Variants in SLC25A21 observed in about 807,000 individuals in gnomAD.
SLC25A21 encodes the protein solute carrier family 25 member 21.
A neutral mutation model predicts 43.8 loss-of-function variants in SLC25A21; 47 were observed. That is an observed-to-expected ratio of 1.07 (90% CI 0.85 to 1.37). The LOEUF (loss-of-function observed/expected upper bound fraction) is 1.37, where lower values mean the gene tolerates loss of function less well. Among genes scored for constraint, SLC25A21 ranks in the 40% most tolerant of loss-of-function variants. The pLI is 0.00. For synonymous variants in SLC25A21, 131 were observed against 121.3 expected (o/e 1.08, Z -0.52); for missense variants, 352 against 350.2 (o/e 1.00, Z -0.04).
chr14:37,028,827 T>C (rs1961146967), intron 1 of SLC25A21, among the ~76,000 whole-genome samples: 2 of 152,174 alleles, frequency 1.3e-5, no homozygotes, highest in Admixed American at 1.3e-4. Flanking sequence ...TGAAGAAAAT[T>C]ACTTAAGTGG....
chr14:36,977,360 C>G (rs989311554), intron 1 of SLC25A21, among the ~76,000 whole-genome samples: 2 of 152,012 alleles, frequency 1.3e-5, no homozygotes, highest in Non-Finnish European at 2.9e-5. Flanking sequence ...TTAGAAGGCC[C>G]CCCTGTACAT....
chr14:36,827,236 T>C (rs1001389748), intron 2 of SLC25A21, among the ~76,000 whole-genome samples: 1 of 152,226 alleles, frequency 6.6e-6, no homozygotes, highest in Non-Finnish European at 1.5e-5. Flanking sequence ...AAAATGTCTG[T>C]TGAAAAACCT....
At chr14:36,984,625 T>C (rs2138704397) in intron 1 of SLC25A21, among the ~76,000 whole-genome samples, 1 of 152,256 alleles carries the variant, frequency 6.6e-6, no homozygotes, top group Middle Eastern at 3.4e-3. Flanking sequence ...GTTTTGCTTT[T>C]TTGTTTCTTC....
intron 3 of SLC25A21, among the ~76,000 whole-genome samples, chr14:36,803,182 C>T (rs1887927072): frequency 2.0e-5 from 3 of 152,152 alleles, no homozygotes; most frequent in African/African-American, 7.2e-5. Flanking sequence ...CTGTGGCAGG[C>T]TCTGGGAGAA....
chr14:37,049,124 C>G (rs1218054584), intron 1 of SLC25A21, among the ~76,000 whole-genome samples: 1 of 152,166 alleles, frequency 6.6e-6, no homozygotes, highest in African/African-American at 2.4e-5. Context: ...GAGTTAAGAA[C>G]TACTCACATA....
At chr14:36,875,081 C>A in intron 1 of SLC25A21, 77 bp from the exon 2 acceptor site, 2 of 1,199,602 alleles carry the variant, frequency 1.7e-6, no homozygotes, top group South Asian at 2.7e-5. Context: ...GTCGATTTCT[C>A]GAGTGTGAGG....
chr14:36,692,138 C>T (rs990551799), intron 7 of SLC25A21, among the ~76,000 whole-genome samples: 1 of 152,214 alleles, frequency 6.6e-6, no homozygotes, highest in African/African-American at 2.4e-5. Flanking sequence ...CTGGCTGTTT[C>T]CATCACACTG....
chr14:37,008,440 C>T (rs1960657018), intron 1 of SLC25A21, among the ~76,000 whole-genome samples: 1 of 152,168 alleles, frequency 6.6e-6, no homozygotes, highest in African/African-American at 2.4e-5. Context: ...GGAGGAGTTC[C>T]AGCCATTGCA....
At chr14:37,019,772 C>A (rs1960944359) in intron 1 of SLC25A21, among the ~76,000 whole-genome samples, 1 of 151,712 alleles carries the variant, frequency 6.6e-6, no homozygotes, top group South Asian at 2.1e-4. Flanking sequence ...GACATTGGGG[C>A]TGGAAAGACA....
In SLC25A21 at chr14:36,892,817, C is replaced by T. The variant is rs182676317; in HGVS notation, c.71-17813G>A. Among the ~76,000 whole-genome samples the T allele has an allele frequency of 5.7e-3, 871 of 152,022 alleles. 7 individuals are homozygous for T. Among genetic ancestry groups the T allele is most frequent in the Non-Finnish European group, 9.4e-3 (636 of 67,966 alleles). Reference sequence around the variant, plus strand: ...TGCGGTGTTTGGTTTTTTGTCCTTGCGATAGTTTGCTGAGAATGATGGTCT... The same window carrying T: ...TGCGGTGTTTGGTTTTTTGTCCTTGTGATAGTTTGCTGAGAATGATGGTCT... On this transcript the variant is annotated intron_variant, in intron 1 of 9. Coordinates refer to ENST00000331299, the MANE Select transcript of SLC25A21 (RefSeq NM_030631.4).
At chr14:37,142,010 A>G (rs1594814113) in intron 1 of SLC25A21, among the ~76,000 whole-genome samples, 6 of 152,180 alleles carry the variant, frequency 3.9e-5, no homozygotes, top group Admixed American at 3.9e-4. Flanking sequence ...ATGTTACCCA[A>G]GTGATCCTAA....
rs1882180666 is a variant in SLC25A21, at chr14:36,680,443, CAT to C, written c.*213_*214del. 8.5e-7 allele frequency: 1 copy of C among 1,178,516 alleles called. No homozygotes were observed. Among genetic ancestry groups the C allele is most frequent in the Non-Finnish European group, 1.1e-6 (1 of 947,006 alleles). 73.0% of individuals were successfully genotyped at this position (1,178,516 alleles called of 1,614,324 possible). On this transcript the variant is annotated 3_prime_UTR_variant, in exon 10 of 10. Transcript: ENST00000331299. ...ATTCACTTTAAATACCTCATTGTTT[CAT>C]ATTATTTTTTTCTTCTCACAGTTTT...
chr14:37,043,928 TTA>T (rs1398051383), intron 1 of SLC25A21, among the ~76,000 whole-genome samples: 1 of 130,550 alleles, frequency 7.7e-6, no homozygotes, highest in African/African-American at 3.6e-5. Flanking sequence ...TTTGTTTGTT[TTA>T]TGTTTTTTTG....
chr14:36,752,018 G>C (rs1021646569), intron 3 of SLC25A21, among the ~76,000 whole-genome samples: 2 of 152,096 alleles, frequency 1.3e-5, no homozygotes, highest in Non-Finnish European at 2.9e-5. Context: ...ATGCATCTCT[G>C]GGCTAGGGAT....
chr14:36,892,407 G>A (rs1424867910), intron 1 of SLC25A21, among the ~76,000 whole-genome samples: 1 of 152,078 alleles, frequency 6.6e-6, no homozygotes, highest in African/African-American at 2.4e-5. Flanking sequence ...ACGGATACAG[G>A]AAATGTGGTA....
chr14:36,898,501 C>T (rs979721400), intron 1 of SLC25A21, among the ~76,000 whole-genome samples: 2 of 152,144 alleles, frequency 1.3e-5, no homozygotes, highest in Non-Finnish European at 2.9e-5. Context: ...TGATGCCTCG[C>T]CCTGCTTTGG....
intron 1 of SLC25A21, among the ~76,000 whole-genome samples, chr14:37,053,904 T>C (rs1961763428): frequency 6.6e-6 from 1 of 152,216 alleles, no homozygotes; most frequent in South Asian, 2.1e-4. Context: ...TTTAAATCCA[T>C]GAAATGATAA....
chr14:36,902,791 G>T (rs1450297832), intron 1 of SLC25A21, among the ~76,000 whole-genome samples: 1 of 152,088 alleles, frequency 6.6e-6, no homozygotes, highest in Non-Finnish European at 1.5e-5. Flanking sequence ...GAGGCCAGGA[G>T]TTCCAGACTA....
At chr14:36,864,469 T>C (rs963260540) in intron 2 of SLC25A21, among the ~76,000 whole-genome samples, 1 of 152,226 alleles carries the variant, frequency 6.6e-6, no homozygotes, top group Non-Finnish European at 1.5e-5. Context: ...ACTTAATCAA[T>C]ACAGTATTGT....
Sources: gnomAD v4.1 joint callset for allele counts (sites outside exome capture counted in the v4.1 genomes callset) on GRCh38, gnomAD v4.1.1 for gene constraint, MANE v1.5 for transcripts, NCBI Gene and HGNC (gene_info 2026-07-23, HGNC 2026-07-21) for gene names.